LARP4B: variants seen among roughly 807,000 people sequenced by gnomAD.
LARP4B encodes the protein la-related protein 4B.
Under a neutral mutation model 89.8 loss-of-function variants are expected in LARP4B, and 12 were observed. The observed-to-expected ratio is 0.13, with a 90% CI of 0.09 to 0.22. LARP4B has a LOEUF of 0.22. LARP4B is among the 10% of genes least tolerant of loss of function. The probability of loss-of-function intolerance (pLI) is 1.00; values close to 1 mark genes in which losing one functional copy is unlikely to be tolerated. For synonymous variants in LARP4B, 367 were observed against 363.3 expected (o/e 1.01, Z -0.12); for missense variants, 757 against 947.7 (o/e 0.80, Z 2.64).
intron 1 of LARP4B, among the ~76,000 whole-genome samples, chr10:920,430 C>T (rs1196028747): frequency 6.6e-6 from 1 of 152,232 alleles, no homozygotes; most frequent in African/African-American, 2.4e-5. Context: ...AGAATATAAA[C>T]ATCTTACTTC....
At chr10:953,546 G>C in the LARP4B span, among the ~76,000 whole-genome samples, 2 of 134,574 alleles carry the variant, frequency 1.5e-5, no homozygotes, top group South Asian at 2.6e-4. Flanking sequence ...CTGCATAACA[G>C]ACAACCTTTA....
the LARP4B span, among the ~76,000 whole-genome samples, chr10:981,775 GC>G: frequency 6.6e-6 from 1 of 152,014 alleles, no homozygotes; most frequent in Non-Finnish European, 1.5e-5. Flanking sequence ...TCATATCTTG[GC>G]CAGGCTGGTC....
At chr10:881,636 T>C (rs900475682) in intron 3 of LARP4B, among the ~76,000 whole-genome samples, 3 of 152,236 alleles carry the variant, frequency 2.0e-5, no homozygotes, top group Non-Finnish European at 4.4e-5. Flanking sequence ...ATCATAACTA[T>C]TGGTACGATA....
At chr10:969,740 A>G in the LARP4B span, among the ~76,000 whole-genome samples, 7 of 152,200 alleles carry the variant, frequency 4.6e-5, no homozygotes, top group African/African-American at 1.7e-4. Flanking sequence ...AAAAAAAATA[A>G]AAGAAAATTA....
chr10:826,109 C>A (rs191089707), intron 11 of LARP4B, among the ~76,000 whole-genome samples: 1 of 152,210 alleles, frequency 6.6e-6, no homozygotes, highest in Non-Finnish European at 1.5e-5. Flanking sequence ...CTGACACATG[C>A]GGAAGCAGGC....
rs573670438 is a variant in LARP4B, at chr10:883,952, C to G, written c.141+495G>C. 3.9e-5 allele frequency among the ~76,000 whole-genome samples: 6 copies of G among 152,150 alleles called. 1 individual carries two copies. In the South Asian group the frequency reaches 1.2e-3, roughly 32 times the overall value. On this transcript the variant is annotated intron_variant, in intron 3 of 17. Coordinates refer to ENST00000316157, the MANE Select transcript of LARP4B (RefSeq NM_015155.3). ...GATCAAACTGAATTTCCAGTAGTAG[C>G]TCTCTGAAGCACTTTATATATGCAT...
At chr10:960,350 G>T in the LARP4B span, among the ~76,000 whole-genome samples, 1 of 152,090 alleles carries the variant, frequency 6.6e-6, no homozygotes, top group Non-Finnish European at 1.5e-5. Context: ...CCCATAGGAT[G>T]TACAACAGCA....
chr10:892,557 T>C (rs1836062889), intron 1 of LARP4B, among the ~76,000 whole-genome samples: 1 of 152,112 alleles, frequency 6.6e-6, no homozygotes, highest in Non-Finnish European at 1.5e-5. Context: ...TTTTTTTTTT[T>C]GAGATAGAGT....
At chr10:953,577 T>C in the LARP4B span, among the ~76,000 whole-genome samples, 69 of 121,526 alleles carry the variant, frequency 5.7e-4, no homozygotes, top group African/African-American at 1.2e-3. Context: ...ATCGCACCAG[T>C]CCAGAACCAA....
chr10:954,601 C>T, the LARP4B span, among the ~76,000 whole-genome samples: 6 of 152,160 alleles, frequency 3.9e-5, no homozygotes, highest in East Asian at 3.9e-4. This position sits in a 1 kb window ranked among gnomAD's most constrained non-coding sequence, Gnocchi z 5.0. Flanking sequence ...CGTGGAGTCA[C>T]GGGACCGAGA....
chr10:835,640 G>A (rs1284025357), intron 8 of LARP4B, among the ~76,000 whole-genome samples: 1 of 152,180 alleles, frequency 6.6e-6, no homozygotes, highest in African/African-American at 2.4e-5. Flanking sequence ...ACACATAACA[G>A]TAAATGGCTT....
chr10:851,492 CT>C (rs1365152066), intron 5 of LARP4B, among the ~76,000 whole-genome samples: 1 of 152,058 alleles, frequency 6.6e-6, no homozygotes, highest in African/African-American at 2.4e-5. Context: ...CAGAAAACAC[CT>C]TTTGATAAGG....
intron 5 of LARP4B, among the ~76,000 whole-genome samples, chr10:852,817 G>GAT (rs1834123872): frequency 6.6e-6 from 1 of 152,096 alleles, no homozygotes; most frequent in Non-Finnish European, 1.5e-5. Flanking sequence ...TGAATGCTTT[G>GAT]ATATACTAGT....
intron 11 of LARP4B, among the ~76,000 whole-genome samples, chr10:827,133 G>A (rs896590447): frequency 2.0e-4 from 30 of 152,110 alleles, no homozygotes; most frequent in African/African-American, 2.9e-4. Flanking sequence ...AAAATTATCC[G>A]GGCGTAGTGG....
chr10:907,613 T>A (rs1288826810), intron 1 of LARP4B, among the ~76,000 whole-genome samples: 2 of 152,212 alleles, frequency 1.3e-5, no homozygotes, highest in Admixed American at 1.3e-4. Context: ...TTATTTGTAT[T>A]GGGGGATGTG....
chr10:829,259 T>C (rs1047396111), intron 11 of LARP4B, 126 bp downstream of exon 11: 1 of 786,322 alleles, frequency 1.3e-6, no homozygotes, highest in Admixed American at 3.1e-5. Context: ...CCCACATAAC[T>C]TGAAGGTCTG....
intron 8 of LARP4B, 79 bp downstream of exon 8, chr10:836,324 A>G: frequency 9.6e-7 from 1 of 1,043,958 alleles, no homozygotes; most frequent in Non-Finnish European, 1.5e-6. Flanking sequence ...CCAAAAAAAC[A>G]CAAAAGTAAA....
the LARP4B span, among the ~76,000 whole-genome samples, chr10:955,888 C>T: frequency 2.6e-5 from 4 of 152,152 alleles, no homozygotes; most frequent in Non-Finnish European, 5.9e-5. The surrounding 1 kb of genome is among the most constrained non-coding windows in gnomAD (Gnocchi z 5.2). Flanking sequence ...TTCCTCCTCT[C>T]ACTCCCACCT....
At chr10:962,071 T>C in the LARP4B span, among the ~76,000 whole-genome samples, 1 of 152,168 alleles carries the variant, frequency 6.6e-6, no homozygotes, top group Non-Finnish European at 1.5e-5. Flanking sequence ...GGCCGGTGGA[T>C]CACCTGAGGT....
Sources: gnomAD v4.1 joint callset for allele counts (sites outside exome capture counted in the v4.1 genomes callset) on GRCh38, gnomAD v4.1.1 for gene constraint, Gnocchi (gnomAD v3.1) non-coding constraint, MANE v1.5 for transcripts, NCBI Gene and HGNC (gene_info 2026-07-23, HGNC 2026-07-21) for gene names.